CKAP5: variants seen among roughly 807,000 people sequenced by gnomAD.
CKAP5 encodes cytoskeleton associated protein 5, also known as cytoskeleton-associated protein 5.
CKAP5 carries 27 observed loss-of-function variants against 232.8 expected under a neutral mutation model. The observed-to-expected ratio is 0.12, with a 90% CI of 0.09 to 0.16. The LOEUF (loss-of-function observed/expected upper bound fraction) is 0.16, where lower values mean the gene tolerates loss of function less well. Among genes scored for constraint, CKAP5 ranks in the 10% least tolerant of loss-of-function variants. The probability of loss-of-function intolerance (pLI) is 1.00; values close to 1 mark genes in which losing one functional copy is unlikely to be tolerated. For missense variants in CKAP5, 1,838 were observed against 2,424.7 expected (o/e 0.76, Z 5.08); for synonymous variants, 785 against 841.1 (o/e 0.93, Z 1.16).
At position 46,750,416 on chromosome 11, in the gene CKAP5, A is replaced by G; in HGVS notation, c.5562T>C (p.Tyr1854=). 1 of 1,614,170 alleles carries G rather than the reference A, an allele frequency of 6.2e-7. No homozygotes were observed. The highest frequency in any genetic ancestry group is 1.1e-5 in the South Asian group (1 of 91,078). ...ENTKEGLAEL[Y]EYKKKYSDAD... is the part of the protein sequence containing the mutation. Reference sequence around the variant, plus strand: ...CATCTGAGTATTTCTTCTTATATTCATATAACTCTGCTAGTCCCTGGTGAA... The same window carrying G: ...CATCTGAGTATTTCTTCTTATATTCGTATAACTCTGCTAGTCCCTGGTGAA... The change falls in exon 42 of 44, where the codon TAT becomes TAC. Residue 1854 remains tyrosine (Y), a synonymous_variant. Coordinates refer to ENST00000529230, the MANE Select transcript of CKAP5 (RefSeq NM_001008938.4).
At chr11:46,782,286 G>C (rs1015073731) in intron 18 of CKAP5, among the ~76,000 whole-genome samples, 1 of 152,062 alleles carries the variant, frequency 6.6e-6, no homozygotes, top group African/African-American at 2.4e-5. Flanking sequence ...CATTGTAGTG[G>C]CCAATATGTA....
At position 46,772,116 on chromosome 11, in the gene CKAP5, C is replaced by T. The variant is rs1009465996; in HGVS notation, c.2992-1134G>A. On this transcript the variant is annotated intron_variant, in intron 24 of 43. Coordinates refer to ENST00000529230, the MANE Select transcript of CKAP5 (RefSeq NM_001008938.4). ...TGGCATGATCTCAGCTCACTACTCA[C>T]AGGCTTGGCCATGGATACCCATTTT... 2.6e-5 allele frequency among the ~76,000 whole-genome samples: 4 copies of T among 151,340 alleles called. No individual in the cohort carries two copies. The Admixed American group carries it at 2.6e-4, about 10-fold the overall frequency.
chr11:46,815,330 G>T (rs531103541), intron 4 of CKAP5, among the ~76,000 whole-genome samples: 1 of 152,044 alleles, frequency 6.6e-6, no homozygotes, highest in Non-Finnish European at 1.5e-5. Flanking sequence ...TTACAGGAGT[G>T]AGCCACTGAG....
chr11:46,744,653 C>A, intron 42 of CKAP5, 76 bp from the exon 43 acceptor site: 1 of 1,338,128 alleles, frequency 7.5e-7, no homozygotes, highest in South Asian at 1.4e-5. Context: ...TAATCTCCCA[C>A]CAAAAAGAAC....
chr11:46,816,165 G>T, intron 4 of CKAP5, 33 bp downstream of exon 4: 1 of 1,568,026 alleles, frequency 6.4e-7, no homozygotes. Flanking sequence ...GGGGACTGCT[G>T]CTCTAGTTAA....
intron 42 of CKAP5, among the ~76,000 whole-genome samples, chr11:46,744,847 G>C (rs2065010976): frequency 6.6e-6 from 1 of 152,166 alleles, no homozygotes; most frequent in Non-Finnish European, 1.5e-5. Flanking sequence ...TTGTACTCCA[G>C]TAATCCCAGG....
rs137909693 is a variant in CKAP5, at chr11:46,776,701, C to T, written c.2863-318G>A. On this transcript the variant is annotated intron_variant, in intron 23 of 43. Coordinates refer to ENST00000529230, the MANE Select transcript of CKAP5 (RefSeq NM_001008938.4). ...TTTCCTGAGTAGTTGGGGGCATTTA[C>T]GTCCATGTCTGTCTGCTAAAGAATG... 2.8e-4 allele frequency among the ~76,000 whole-genome samples: 42 copies of T among 152,240 alleles called. No individual in the cohort carries two copies. In the East Asian group the frequency reaches 5.6e-3, roughly 20 times the overall value.
rs754402426 is a variant in CKAP5, at chr11:46,760,736, C to T, written c.4270G>A (p.Ala1424Thr). 2 of 1,614,220 alleles carry T rather than the reference C, an allele frequency of 1.2e-6. No individual in the cohort carries two copies. Among genetic ancestry groups the T allele is most frequent in the East Asian group, 2.2e-5 (1 of 44,882 alleles). Reference protein sequence around the residue: ...SMLEERIKRSAKRPSAAPIKQ... With the variant: ...SMLEERIKRSTKRPSAAPIKQ... ...ATTGGTGCAGCAGAGGGTCTCTTTG[C>T]TGACCGCTTAATCCTCTCCTCGAGC... Residue 1424 changes from alanine (A) to threonine (T), a missense_variant, in exon 33 of 44, where the codon GCA becomes ACA. Around this residue, in one of 6 missense-constraint regions of CKAP5, gnomAD observed 579 missense variants for 843.2 expected, o/e 0.69. Transcript: ENST00000529230.
At chr11:46,798,726 A>T (rs1314735202) in intron 9 of CKAP5, among the ~76,000 whole-genome samples, 1 of 152,136 alleles carries the variant, frequency 6.6e-6, no homozygotes, top group Admixed American at 6.6e-5. Context: ...TTAATGGGCA[A>T]GGGGTTTCTT....
intron 16 of CKAP5, among the ~76,000 whole-genome samples, chr11:46,785,604 T>C (rs987079702): frequency 6.6e-6 from 1 of 152,196 alleles, no homozygotes; most frequent in African/African-American, 2.4e-5. Flanking sequence ...CCTCTCCAAG[T>C]GCTGGGATTA....
intron 35 of CKAP5, among the ~76,000 whole-genome samples, chr11:46,757,827 C>T (rs935218655): frequency 4.0e-5 from 6 of 151,570 alleles, no homozygotes; most frequent in Non-Finnish European, 7.4e-5. Context: ...ACCTCGTGAT[C>T]CACCCACCTT....
chr11:46,790,247 G>A (rs529823833), intron 14 of CKAP5, 61 bp from the exon 15 acceptor site: 7 of 1,164,712 alleles, frequency 6.0e-6, no homozygotes, highest in Non-Finnish European at 8.8e-6. Flanking sequence ...TGACAAGAAC[G>A]TAAACATACT....
intron 9 of CKAP5, among the ~76,000 whole-genome samples, chr11:46,798,850 A>T (rs1226477084): frequency 6.6e-6 from 1 of 152,224 alleles, no homozygotes; most frequent in African/African-American, 2.4e-5. Context: ...GTTTTATCTC[A>T]ATAAAACTTA....
intron 16 of CKAP5, among the ~76,000 whole-genome samples, chr11:46,785,607 T>C (rs1244476707): frequency 6.6e-6 from 1 of 152,206 alleles, no homozygotes; most frequent in Admixed American, 6.5e-5. Context: ...CTCCAAGTGC[T>C]GGGATTACAG....
chr11:46,791,801 T>C (rs887101567), intron 13 of CKAP5, among the ~76,000 whole-genome samples: 1 of 152,208 alleles, frequency 6.6e-6, no homozygotes, highest in Non-Finnish European at 1.5e-5. Context: ...AACTGTATTA[T>C]GGCAACACAC....
chr11:46,821,404 T>G, intron 1 of CKAP5, 136 bp from the exon 2 acceptor site: 1 of 468,360 alleles, frequency 2.1e-6, no homozygotes. Flanking sequence ...GATCCCCACT[T>G]AATTCAATTA....
At chr11:46,749,537 A>G (rs942920662) in intron 42 of CKAP5, among the ~76,000 whole-genome samples, 1 of 152,006 alleles carries the variant, frequency 6.6e-6, no homozygotes, top group Non-Finnish European at 1.5e-5. Context: ...GAAATCAGGA[A>G]GGAGGTCTAA....
chr11:46,829,838 ATGTGTGTGTGTGTGTGTG>A (rs57602333), intron 1 of CKAP5, among the ~76,000 whole-genome samples: 17 of 143,130 alleles, frequency 1.2e-4, no homozygotes, highest in African/African-American at 3.4e-4. Flanking sequence ...CCTTTTTTGT[ATGTGTGTGTGTGTGTGTG>A]TGTGTGTGTG....
At chr11:46,762,269 C>T (rs560463047) in intron 31 of CKAP5, 76 bp from the exon 32 acceptor site, 18 of 1,456,712 alleles carry the variant, frequency 1.2e-5, no homozygotes, top group Admixed American at 1.8e-5. Flanking sequence ...AGAGAAATTT[C>T]CCTTGGCATA....
Sources: gnomAD v4.1 joint callset for allele counts (sites outside exome capture counted in the v4.1 genomes callset) on GRCh38, gnomAD v4.1.1 for gene constraint, gnomAD v4.1.1 regional missense constraint, MANE v1.5 for transcripts, NCBI Gene and HGNC (gene_info 2026-07-23, HGNC 2026-07-21) for gene names.